Variants in ATP1A4 observed in about 807,000 individuals in gnomAD.
ATP1A4 encodes sodium/potassium-transporting ATPase subunit alpha-4.
Under a neutral mutation model 114.3 loss-of-function variants are expected in ATP1A4, and 90 were observed. That is an observed-to-expected ratio of 0.79 (90% CI 0.66 to 0.94). The LOEUF (loss-of-function observed/expected upper bound fraction) is 0.94. Ranked by LOEUF, ATP1A4 falls within the 40% of genes least tolerant of loss-of-function variation. The pLI, the probability that ATP1A4 is intolerant of heterozygous loss-of-function variation, is 0.00. For missense variants in ATP1A4, 1,222 were observed against 1,313.6 expected (o/e 0.93, Z 1.08); for synonymous variants, 511 against 494.1 (o/e 1.03, Z -0.45).
intron 3 of ATP1A4, 21 bp from the exon 4 acceptor site, chr1:160,156,024 G>T (rs760295521): frequency 6.7e-7 from 1 of 1,490,656 alleles, no homozygotes; most frequent in Non-Finnish European, 9.4e-7. Context: ...ACTGATAAAC[G>T]CTTTCTTTCC....
rs369355670 is a variant in ATP1A4 at position 160,158,465 on chromosome 1, CT to C, written c.526-535del. Among the ~76,000 whole-genome samples the C allele has an allele frequency of 1.1e-3, 166 of 152,214 alleles. 1 individual carries two copies. The highest frequency in any genetic ancestry group is 3.9e-3 in the African/African-American group (163 of 41,518). ...GATCACGGCTCACTGCAGCCTTAAC[CT>C]TCTGGGCTCAAGCGATCCTCCAACT... On this transcript the variant is annotated intron_variant, in intron 4 of 21. Transcript: ENST00000368081.
chr1:160,175,886 T>A (rs1411380138), intron 15 of ATP1A4, among the ~76,000 whole-genome samples: 1 of 152,070 alleles, frequency 6.6e-6, no homozygotes, highest in African/African-American at 2.4e-5. Flanking sequence ...CTAGGGTGAA[T>A]CTAAGAACAA....
intron 11 of ATP1A4, 35 bp from the exon 12 acceptor site, chr1:160,171,550 G>A (rs763679735): frequency 1.5e-5 from 24 of 1,606,466 alleles, no homozygotes; most frequent in Middle Eastern, 3.3e-4. Flanking sequence ...TAGAGTGCTG[G>A]ATGACTACTG....
At chr1:160,186,186 T>C in intron 20 of ATP1A4, 90 bp from the exon 21 acceptor site, 1 of 814,436 alleles carries the variant, frequency 1.2e-6, no homozygotes, top group South Asian at 1.3e-5. Context: ...ACACAAGCAA[T>C]GAAACGTGCA....
chr1:160,160,116 C>T (rs1046743255), intron 6 of ATP1A4, among the ~76,000 whole-genome samples: 6 of 152,166 alleles, frequency 3.9e-5, no homozygotes, highest in Admixed American at 6.5e-5. Flanking sequence ...TCTCCTTTGC[C>T]CTTTCCCCTT....
At chr1:160,152,216 G>A in intron 1 of ATP1A4, 29 bp downstream of exon 1, 1 of 1,606,996 alleles carries the variant, frequency 6.2e-7, no homozygotes, top group Admixed American at 1.7e-5. Context: ...GGCGCTGACA[G>A]CTGCCCTCTG....
intron 16 of ATP1A4, 46 bp downstream of exon 16, chr1:160,176,292 C>T (rs746202377): frequency 6.2e-7 from 1 of 1,610,288 alleles, no homozygotes; most frequent in Non-Finnish European, 8.5e-7. Flanking sequence ...ATTCTGCCTC[C>T]TAAGCTCCCT....
intron 2 of ATP1A4, 59 bp from the exon 3 acceptor site, chr1:160,154,986 T>C (rs777512819): frequency 2.0e-6 from 3 of 1,533,490 alleles, no homozygotes; most frequent in Non-Finnish European, 1.8e-6. Context: ...GGTTCCCTTT[T>C]GCTATGGCTG....
intron 1 of ATP1A4, 107 bp downstream of exon 1, chr1:160,152,294 T>A: frequency 1.6e-6 from 2 of 1,269,408 alleles, no homozygotes; most frequent in Non-Finnish European, 2.1e-6. Flanking sequence ...GAGCCACATC[T>A]CTTCTCTGTT....
At chr1:160,152,543 T>C (rs544054637) in intron 1 of ATP1A4, among the ~76,000 whole-genome samples, 2 of 152,100 alleles carry the variant, frequency 1.3e-5, no homozygotes, top group Non-Finnish European at 1.5e-5. Context: ...GATGAGGTGA[T>C]TTTTGGCCCT....
intron 18 of ATP1A4, among the ~76,000 whole-genome samples, chr1:160,180,644 C>A (rs1653649474): frequency 6.6e-6 from 1 of 151,200 alleles, no homozygotes; most frequent in Admixed American, 6.6e-5. Flanking sequence ...TGTCCTCTGG[C>A]CCCACCATCC....
chr1:160,174,367 G>A, intron 14 of ATP1A4, 106 bp downstream of exon 14: 1 of 1,504,292 alleles, frequency 6.6e-7, no homozygotes, highest in Non-Finnish European at 9.0e-7. Context: ...GGAGACTCCA[G>A]AGAGTACCCC....
chr1:160,173,855 A>G (rs1653354043), intron 13 of ATP1A4, 138 bp downstream of exon 13: 5 of 1,193,604 alleles, frequency 4.2e-6, no homozygotes, highest in South Asian at 1.6e-5. Context: ...AAAGTAAAAC[A>G]TAATAGGAAA....
intron 20 of ATP1A4, among the ~76,000 whole-genome samples, chr1:160,184,404 A>T (rs1193633634): frequency 6.6e-6 from 1 of 152,074 alleles, no homozygotes; most frequent in Non-Finnish European, 1.5e-5. Context: ...AAACTTAGCC[A>T]GGTGTAGCGG....
intron 3 of ATP1A4, 87 bp downstream of exon 3, chr1:160,155,335 C>T: frequency 1.0e-6 from 1 of 955,370 alleles, no homozygotes; most frequent in African/African-American, 1.6e-5. Flanking sequence ...CTCCTGAAGT[C>T]CTCTGGCCCA....
chr1:160,165,935 A>G (rs565176255), intron 7 of ATP1A4, among the ~76,000 whole-genome samples: 1 of 152,156 alleles, frequency 6.6e-6, no homozygotes, highest in South Asian at 2.1e-4. Context: ...TCCAGGGGGG[A>G]ATAAAGAGGA....
At chr1:160,163,789 G>A (rs2101633211) in intron 6 of ATP1A4, among the ~76,000 whole-genome samples, 1 of 152,202 alleles carries the variant, frequency 6.6e-6, no homozygotes, top group East Asian at 1.9e-4. Context: ...GTCAGTCCAT[G>A]AACTGCAAGT....
chr1:160,181,702 G>A lies in ATP1A4; in HGVS notation c.2755G>A (p.Val919Ile). Residue 919 changes from valine (V) to isoleucine (I), a missense_variant, in exon 19 of 22, where the codon GTT (valine) becomes ATT (isoleucine). Transcript: ENST00000368081. ...GQQWTYEQRK[V>I]VEFTCQTAFF... ...TCTCTAGACCTATGAGCAACGAAAA[G>A]TTGTGGAGTTCACATGCCAAACGGC... 4 of 1,614,144 alleles carry A rather than the reference G, an allele frequency of 2.5e-6. No homozygotes were observed. Among genetic ancestry groups the A allele is most frequent in the Non-Finnish European group, 3.4e-6 (4 of 1,180,040 alleles).
chr1:160,180,621 C>T (rs1434597722), intron 18 of ATP1A4, among the ~76,000 whole-genome samples: 1 of 151,366 alleles, frequency 6.6e-6, no homozygotes, highest in Non-Finnish European at 1.5e-5. Context: ...TTCTTTCCCC[C>T]CTGTACTCAC....
Sources: allele counts gnomAD v4.1 joint callset (sites outside exome capture counted in the v4.1 genomes callset), GRCh38; gene constraint gnomAD v4.1.1; transcripts MANE v1.5; gene names NCBI Gene and HGNC (gene_info 2026-07-23, HGNC 2026-07-21).